The following RAB33B variants were observed in gnomAD, a reference collection of about 807,000 sequenced individuals.
The protein encoded by RAB33B is ras-related protein Rab-33B.
Under a neutral mutation model 15.0 loss-of-function variants are expected in RAB33B, and 6 were observed. That is an observed-to-expected ratio of 0.40 (90% CI 0.22 to 0.79). RAB33B has a LOEUF of 0.79. RAB33B is among the 30% of genes least tolerant of loss of function. RAB33B has a pLI of 0.37. For missense variants in RAB33B, 257 were observed against 296.4 expected (o/e 0.87, Z 0.98); for synonymous variants, 117 against 108.3 (o/e 1.08, Z -0.50).
chr4:139,454,167 T>C lies in RAB33B; in HGVS notation c.-29T>C. ...CTCAGCCTTTCTGTGTCTCCTTTCC[T>C]CCGCCTCAGTTTGGGGCGGGTCGGG... On this transcript the variant is annotated 5_prime_UTR_variant, in exon 1 of 2. Transcript: ENST00000305626. 3 of 1,590,088 alleles carry C rather than the reference T, an allele frequency of 1.9e-6. No homozygotes were observed. Among genetic ancestry groups the C allele is most frequent in the South Asian group, 1.1e-5 (1 of 87,848 alleles).
At chr4:139,453,945 G>A (rs1185958752), upstream of RAB33B, 1 of 365,690 alleles carries the variant, frequency 2.7e-6, no homozygotes, top group African/African-American at 2.1e-5. Flanking sequence ...GTAGACCGGC[G>A]CCAGCCCGAG....
chr4:139,460,467 A>C (rs1750152038), intron 1 of RAB33B, among the ~76,000 whole-genome samples: 1 of 152,222 alleles, frequency 6.6e-6, no homozygotes, highest in South Asian at 2.1e-4. Flanking sequence ...ATAAAATATA[A>C]ATTGGGTTAC....
chr4:139,446,213 G>T, the RAB33B span, among the ~76,000 whole-genome samples: 1 of 152,180 alleles, frequency 6.6e-6, no homozygotes, highest in Non-Finnish European at 1.5e-5. Flanking sequence ...CTGCACCGAT[G>T]GCCTCATGGG....
chr4:139,440,568 G>A, the RAB33B span, among the ~76,000 whole-genome samples: 2 of 152,126 alleles, frequency 1.3e-5, no homozygotes, highest in South Asian at 4.2e-4. Context: ...GAGATTCAGT[G>A]GTAGGAGATG....
chr4:139,464,580 AC>A (rs1048926900), intron 1 of RAB33B, among the ~76,000 whole-genome samples: 19 of 151,610 alleles, frequency 1.3e-4, no homozygotes, highest in Non-Finnish European at 1.8e-4. Flanking sequence ...GATGTTCTCC[AC>A]CCTGTGTCCA....
chr4:139,448,787 CAT>C (rs1428381867), upstream of RAB33B: 1 of 152,136 alleles, frequency 6.6e-6, no homozygotes, highest in African/African-American at 2.4e-5. Flanking sequence ...CCTTTTGCAA[CAT>C]GAGTGTTTGT....
intron 1 of RAB33B, among the ~76,000 whole-genome samples, chr4:139,471,758 T>A (rs1750396941): frequency 6.6e-6 from 1 of 152,218 alleles, no homozygotes; most frequent in Non-Finnish European, 1.5e-5. Flanking sequence ...GAAGTCCAGT[T>A]TATTTTTTCC....
rs1750014249 is a variant in RAB33B, at chr4:139,454,166, C to T, written c.-30C>T. 5.7e-6 allele frequency: 9 copies of T among 1,589,098 alleles called. No homozygotes were observed. Among genetic ancestry groups the T allele is most frequent in the Middle Eastern group, 1.8e-4 (1 of 5,426 alleles). ...TCTCAGCCTTTCTGTGTCTCCTTTC[C>T]TCCGCCTCAGTTTGGGGCGGGTCGG... On this transcript the variant is annotated 5_prime_UTR_variant, in exon 1 of 2. Coordinates refer to ENST00000305626, the MANE Select transcript of RAB33B (RefSeq NM_031296.3).
chr4:139,468,345 A>G (rs563271809), intron 1 of RAB33B, among the ~76,000 whole-genome samples: 13 of 152,348 alleles, frequency 8.5e-5, no homozygotes, highest in African/African-American at 1.7e-4. Flanking sequence ...TGGGAATTCA[A>G]GATGAGATTT....
chr4:139,456,994 T>C (rs1157172295), intron 1 of RAB33B, among the ~76,000 whole-genome samples: 1 of 152,246 alleles, frequency 6.6e-6, no homozygotes, highest in African/African-American at 2.4e-5. Context: ...ACATTTTTCC[T>C]AATTTTTCAT....
the RAB33B span, among the ~76,000 whole-genome samples, chr4:139,442,997 CT>C: frequency 6.0e-4 from 88 of 145,674 alleles, no homozygotes; most frequent in Admixed American, 6.2e-4. Flanking sequence ...CTGGCATGAA[CT>C]TTTTTTTTTT....
At chr4:139,441,119 C>T in the RAB33B span, among the ~76,000 whole-genome samples, 6 of 152,182 alleles carry the variant, frequency 3.9e-5, no homozygotes, top group African/African-American at 1.4e-4. Context: ...TCTCATCTCC[C>T]AGTAGGCTAG....
At chr4:139,464,386 G>GTTTTTTT (rs372330119) in intron 1 of RAB33B, among the ~76,000 whole-genome samples, 11 of 101,770 alleles carry the variant, frequency 1.1e-4, no homozygotes, top group African/African-American at 2.1e-4. Context: ...GAGGAATACT[G>GTTTTTTT]TTTTTTTTTT....
At chr4:139,466,960 AC>A (rs1750299189) in intron 1 of RAB33B, among the ~76,000 whole-genome samples, 2 of 106,674 alleles carry the variant, frequency 1.9e-5, no homozygotes, top group East Asian at 5.5e-4. Flanking sequence ...AGAAGCACAA[AC>A]TTTTTTTTTT....
chr4:139,449,854 G>C (rs1464996584), upstream of RAB33B: 1 of 152,054 alleles, frequency 6.6e-6, no homozygotes, highest in East Asian at 1.9e-4. Context: ...CAGAGGCCAT[G>C]ATTGCACTTT....
At chr4:139,441,959 A>C in the RAB33B span, among the ~76,000 whole-genome samples, 3 of 152,280 alleles carry the variant, frequency 2.0e-5, no homozygotes, top group South Asian at 6.2e-4. Context: ...GACTTTATAT[A>C]CTACTTTGGC....
chr4:139,440,181 T>C, the RAB33B span, among the ~76,000 whole-genome samples: 3 of 152,192 alleles, frequency 2.0e-5, no homozygotes, highest in African/African-American at 7.2e-5. Flanking sequence ...GAAGTATAAA[T>C]CTAAGGTCTT....
At chr4:139,467,233 T>C (rs1157336665) in intron 1 of RAB33B, among the ~76,000 whole-genome samples, 1 of 150,230 alleles carries the variant, frequency 6.7e-6, no homozygotes, top group African/African-American at 2.4e-5. Context: ...CCTCCCAAAG[T>C]TCTGGAATTA....
At chr4:139,456,313 C>A (rs370098659) in intron 1 of RAB33B, among the ~76,000 whole-genome samples, 17 of 152,114 alleles carry the variant, frequency 1.1e-4, no homozygotes, top group Middle Eastern at 3.4e-3. Context: ...GTAGGAAATT[C>A]TTTCAAAAGT....
Sources: allele counts gnomAD v4.1 joint callset (sites outside exome capture counted in the v4.1 genomes callset), GRCh38; gene constraint gnomAD v4.1.1; transcripts MANE v1.5; gene names NCBI Gene and HGNC (gene_info 2026-07-23, HGNC 2026-07-21).